The following NBN variants were observed in gnomAD, a reference collection of about 807,000 sequenced individuals.
NBN encodes the protein Nijmegen breakage syndrome 1 (nibrin).
A neutral mutation model predicts 90.8 loss-of-function variants in NBN; 88 were observed. The ratio of observed to expected loss-of-function variants is 0.97; its 90% CI spans 0.82 to 1.16. The LOEUF is 1.16. Among genes scored for constraint, NBN ranks in the 50% most tolerant of loss-of-function variants. The pLI is 0.00. For synonymous variants in NBN, 328 were observed against 295.1 expected (o/e 1.11, Z -1.14); for missense variants, 894 against 869.6 (o/e 1.03, Z -0.35).
At chr8:89,937,931 A>G (rs1809766897) in intron 14 of NBN, among the ~76,000 whole-genome samples, 1 of 152,148 alleles carries the variant, frequency 6.6e-6, no homozygotes, top group East Asian at 1.9e-4. Flanking sequence ...CAAGGAAGTT[A>G]ATTCCTTTTT....
chr8:89,977,647 C>T (rs1243803133), intron 5 of NBN, among the ~76,000 whole-genome samples: 1 of 152,142 alleles, frequency 6.6e-6, no homozygotes, highest in African/African-American at 2.4e-5. Flanking sequence ...AAGGAATCAC[C>T]ACACTGTCTT....
In NBN at chr8:89,970,197, C is replaced by T. The variant is rs138144058; in HGVS notation, c.896+167G>A. Among the ~76,000 whole-genome samples, 7,816 of 149,218 alleles carry T rather than the reference C, an allele frequency of 0.052. 307 individuals carry two copies. Among genetic ancestry groups the T allele is most frequent in the East Asian group, 0.19 (959 of 5,046 alleles). On this transcript the variant is annotated intron_variant, in intron 7 of 15. Coordinates refer to ENST00000265433, the MANE Select transcript of NBN (RefSeq NM_002485.5). The stretch of plus-strand genomic sequence containing the variant: ...CCAGAAGGCAGAAGTTGCAGTGAGC[C>T]GAGATCGTGCCACTGCACTCCAGCC...
At chr8:89,950,483 T>G (rs1810397331) in intron 11 of NBN, among the ~76,000 whole-genome samples, 1 of 152,042 alleles carries the variant, frequency 6.6e-6, no homozygotes, top group African/African-American at 2.4e-5. Flanking sequence ...CAATCACAGG[T>G]TGGTAAAATC....
rs786203921 is a variant in NBN, at chr8:89,981,452, T to C, written c.243A>G (p.Glu81=). 3 of 1,613,988 alleles carry C rather than the reference T, an allele frequency of 1.9e-6. No individual in the cohort carries two copies. In the African/African-American group the frequency reaches 4.0e-5, roughly 22 times the overall value. The change falls in exon 3 of 16, where the codon GAA becomes GAG. Residue 81 remains glutamate, a synonymous_variant. Coordinates refer to ENST00000265433, the MANE Select transcript of NBN (RefSeq NM_002485.5). ...TTCGGGAAAAGCCATTCTGCATTTTTTCCTCATTAACAAAGGTACCATACT... is the reference window on the plus strand; with the variant it reads ...TTCGGGAAAAGCCATTCTGCATTTTCTCCTCATTAACAAAGGTACCATACT... ...NSKYGTFVNE[E]KMQNGFSRTL... is the part of the protein sequence containing the mutation.
intron 14 of NBN, among the ~76,000 whole-genome samples, chr8:89,942,506 C>T (rs1809996545): frequency 6.6e-6 from 1 of 152,006 alleles, no homozygotes; most frequent in South Asian, 2.1e-4. Context: ...AAACAAGGTA[C>T]ATAAGAGCAG....
At chr8:89,971,390 A>G (rs946367125) in intron 5 of NBN, 100 bp from the exon 6 acceptor site, 15 of 1,332,010 alleles carry the variant, frequency 1.1e-5, no homozygotes, top group Non-Finnish European at 1.5e-5. Context: ...CATAATTTCC[A>G]TAATACCTTT....
intron 7 of NBN, 82 bp downstream of exon 7, chr8:89,970,282 T>C: frequency 2.4e-6 from 3 of 1,225,020 alleles, no homozygotes; most frequent in Non-Finnish European, 3.5e-6. Flanking sequence ...TACTTTTACA[T>C]TGTTAGGTGA....
intron 7 of NBN, among the ~76,000 whole-genome samples, chr8:89,966,154 AGAT>A (rs558546264): frequency 3.3e-5 from 5 of 152,250 alleles, no homozygotes; most frequent in Non-Finnish European, 7.3e-5. Context: ...GTCAACAGTG[AGAT>A]AAATGTGGCC....
In NBN at chr8:89,966,909, TAAAAAC is replaced by T. The variant is rs376269810; in HGVS notation, c.897-2408_897-2403del. On this transcript the variant is annotated intron_variant, in intron 7 of 15. Transcript: ENST00000265433. ...GTATAAAACAGAATTCCAGATAAGT[TAAAAAC>T]AAATGTCAAAAACAAAAGATGGTAT... Among the ~76,000 whole-genome samples the T allele has an allele frequency of 2.1e-3, 318 of 152,214 alleles. 1 individual carries two copies. Among genetic ancestry groups the T allele is most frequent in the African/African-American group, 7.0e-3 (290 of 41,526 alleles).
intron 10 of NBN, 73 bp downstream of exon 10, chr8:89,955,210 A>ATTC: frequency 7.0e-7 from 1 of 1,424,224 alleles, no homozygotes; most frequent in Non-Finnish European, 9.8e-7. Flanking sequence ...ACTAAAGACA[A>ATTC]TACCATTCTA....
intron 14 of NBN, among the ~76,000 whole-genome samples, chr8:89,941,159 A>G (rs775617301): frequency 6.6e-6 from 1 of 152,194 alleles, no homozygotes. Flanking sequence ...TAAAATATTT[A>G]AAATATATAA....
At chr8:89,936,048 C>A in intron 15 of NBN, 1 of 369,836 alleles carries the variant, frequency 2.7e-6, no homozygotes, top group South Asian at 2.1e-5. Flanking sequence ...AACAACCCAT[C>A]TCATTTGACT....
rs770500095 is a variant in NBN at position 89,958,838 on chromosome 8, A to AGTT, written c.1008_1010dup (p.Thr337dup). 1.9e-6 allele frequency: 3 copies of AGTT among 1,613,730 alleles called. No individual in the cohort carries two copies. The highest frequency in any genetic ancestry group is 2.5e-6 in the Non-Finnish European group (3 of 1,179,762). On this transcript the variant is annotated inframe_insertion, in exon 9 of 16. Transcript: ENST00000265433. ...CGCCTTGTGAAAGGCTTGGTCCTGGAGTTGTTGTCTTTAATCCTGTAAATC... is the reference window on the plus strand; with the variant it reads ...CGCCTTGTGAAAGGCTTGGTCCTGGAGTTGTTGTTGTCTTTAATCCTGTAAATC...
chr8:89,941,915 A>G (rs184279150), intron 14 of NBN, among the ~76,000 whole-genome samples: 202 of 152,226 alleles, frequency 1.3e-3, no homozygotes, highest in African/African-American at 4.8e-3. Flanking sequence ...ATAACTGAGA[A>G]AAAAGCACTT....
At chr8:89,957,286 TG>T (rs1234517346) in intron 9 of NBN, among the ~76,000 whole-genome samples, 17 of 152,240 alleles carry the variant, frequency 1.1e-4, no homozygotes, top group African/African-American at 3.9e-4. Flanking sequence ...CTAACATGTA[TG>T]TTTATGTCTT....
intron 12 of NBN, 95 bp downstream of exon 12, chr8:89,947,729 G>A: frequency 1.4e-6 from 1 of 709,198 alleles, no homozygotes; most frequent in East Asian, 2.8e-5. Context: ...AATTAGGAAA[G>A]AGAAATAATC....
chr8:89,982,004 TAAAAG>T, intron 2 of NBN: 1 of 1,156,592 alleles, frequency 8.6e-7, no homozygotes. Context: ...TTTCTATACC[TAAAAG>T]AACAGAAACA....
At chr8:89,980,233 A>G (rs1018326107) in intron 4 of NBN, among the ~76,000 whole-genome samples, 1 of 152,226 alleles carries the variant, frequency 6.6e-6, no homozygotes, top group Admixed American at 6.5e-5. Flanking sequence ...ATACTAAAGG[A>G]TTTTTAATAA....
rs775217949 is a variant in NBN, at chr8:89,980,891, A to G, written c.323T>C (p.Ile108Thr). 9 of 1,612,054 alleles carry G rather than the reference A, an allele frequency of 5.6e-6. No homozygotes were observed. In the South Asian group the frequency reaches 6.6e-5, roughly 12 times the overall value. ...GCATGCAACCAAAGGCTCATACTCTATTCTGTAAATGAGAATAAGTTAAAT... is the reference window on the plus strand; with the variant it reads ...GCATGCAACCAAAGGCTCATACTCTGTTCTGTAAATGAGAATAAGTTAAAT... ...TFGVFGSKFR[I>T]EYEPLVACSS... Residue 108 changes from isoleucine to threonine, a missense_variant and splice_region_variant, in exon 4 of 16, where the codon ATA (isoleucine) becomes ACA (threonine). By Grantham distance (89) the Ile-to-Thr change is moderately conservative. Coordinates refer to ENST00000265433, the MANE Select transcript of NBN (RefSeq NM_002485.5).
Sources: gnomAD v4.1 joint callset for allele counts (sites outside exome capture counted in the v4.1 genomes callset) on GRCh38, gnomAD v4.1.1 for gene constraint, MANE v1.5 for transcripts, NCBI Gene and HGNC (gene_info 2026-07-23, HGNC 2026-07-21) for gene names.